The following ANKS1A variants were observed in gnomAD, a reference collection of about 807,000 sequenced individuals.
The protein encoded by ANKS1A is ankyrin repeat and sterile alpha motif domain containing 1A.
ANKS1A carries 55 observed loss-of-function variants against 120.3 expected under a neutral mutation model. The ratio of observed to expected loss-of-function variants is 0.46; its 90% CI spans 0.37 to 0.57. The LOEUF (loss-of-function observed/expected upper bound fraction) is 0.57. Ranked by LOEUF, ANKS1A falls within the 20% of genes least tolerant of loss-of-function variation. The pLI, the probability that ANKS1A is intolerant of heterozygous loss-of-function variation, is 0.00. For missense variants in ANKS1A, 1,123 were observed against 1,480.3 expected, an observed-to-expected ratio of 0.76 and a Z score of 3.96; for synonymous variants, 590 against 604.7, an observed-to-expected ratio of 0.98 and a Z score of 0.36.
chr6:34,909,148 G>A (rs550636520), intron 1 of ANKS1A, among the ~76,000 whole-genome samples: 1 of 152,234 alleles, frequency 6.6e-6, no homozygotes, highest in East Asian at 1.9e-4. Context: ...CTGGGGACAT[G>A]TTTCTTTTTC....
intron 1 of ANKS1A, among the ~76,000 whole-genome samples, chr6:34,897,641 A>G (rs1168678218): frequency 6.6e-6 from 1 of 152,198 alleles, no homozygotes; most frequent in African/African-American, 2.4e-5. Context: ...ATCGTATAAT[A>G]TGTTACATTC....
chr6:34,968,757 G>A (rs1029238026), intron 2 of ANKS1A, among the ~76,000 whole-genome samples: 1 of 151,538 alleles, frequency 6.6e-6, no homozygotes, highest in African/African-American at 2.4e-5. Flanking sequence ...GTTTTTATGA[G>A]GAGGGATTAT....
At chr6:34,988,147 C>T (rs541801295) in intron 8 of ANKS1A, among the ~76,000 whole-genome samples, 72 of 152,306 alleles carry the variant, frequency 4.7e-4, no homozygotes, top group East Asian at 7.7e-4. Flanking sequence ...AGTCCACAAG[C>T]GTCTGTTTTT....
chr6:35,096,366 T>G (rs1429127629), downstream of ANKS1A, among the ~76,000 whole-genome samples: 2 of 152,242 alleles, frequency 1.3e-5, no homozygotes, highest in East Asian at 3.8e-4. Flanking sequence ...CCCTTCTGGT[T>G]TGAGTGCTCT....
rs140257001 is a variant in ANKS1A at position 35,027,530 on chromosome 6, T to C, written c.2010+9471T>C. Among the ~76,000 whole-genome samples, 36 of 152,308 alleles carry C rather than the reference T, an allele frequency of 2.4e-4. No individual in the cohort carries two copies. The East Asian group carries it at 3.9e-3, about 16-fold the overall frequency. On this transcript the variant is annotated intron_variant, in intron 11 of 23. Coordinates refer to ENST00000360359, the MANE Select transcript of ANKS1A (RefSeq NM_015245.3). ...GAGAAGTTTAATTTGTTTAGAGATA[T>C]GCTGTGTGGTCAGAGTGGCAGCCAG...
At chr6:34,960,679 G>T (rs1770588794) in intron 1 of ANKS1A, among the ~76,000 whole-genome samples, 1 of 152,162 alleles carries the variant, frequency 6.6e-6, no homozygotes, top group Non-Finnish European at 1.5e-5. Flanking sequence ...CAGTGCTTTA[G>T]ATGCCATCCC....
chr6:35,022,161 C>T (rs1451517653), intron 11 of ANKS1A, among the ~76,000 whole-genome samples: 5 of 152,190 alleles, frequency 3.3e-5, no homozygotes, highest in African/African-American at 1.2e-4. Context: ...AGGCAGGCAC[C>T]TTCCCCACTG....
chr6:34,969,303 G>T (rs1434655499), intron 2 of ANKS1A, among the ~76,000 whole-genome samples: 1 of 152,090 alleles, frequency 6.6e-6, no homozygotes, highest in Non-Finnish European at 1.5e-5. Context: ...ACCCAGGCTG[G>T]AGTGCGATGG....
chr6:35,013,487 G>T (rs1202008174), intron 10 of ANKS1A, among the ~76,000 whole-genome samples: 2 of 151,872 alleles, frequency 1.3e-5, no homozygotes, highest in Non-Finnish European at 2.9e-5. Context: ...TAGAGATGAG[G>T]TCTCGCCATG....
chr6:35,087,521 G>C (rs1304664319), intron 23 of ANKS1A, among the ~76,000 whole-genome samples: 1 of 152,182 alleles, frequency 6.6e-6, no homozygotes, highest in Non-Finnish European at 1.5e-5. Context: ...CTAGCTGACT[G>C]TTCTCACCTC....
chr6:34,905,491 A>G (rs1197149788), intron 1 of ANKS1A, among the ~76,000 whole-genome samples: 1 of 150,908 alleles, frequency 6.6e-6, no homozygotes, highest in African/African-American at 2.5e-5. Context: ...TCACTTCTTG[A>G]GCACTTAATA....
chr6:35,036,711 T>C (rs1775191899), intron 11 of ANKS1A, among the ~76,000 whole-genome samples: 1 of 152,246 alleles, frequency 6.6e-6, no homozygotes, highest in Non-Finnish European at 1.5e-5. Flanking sequence ...CTGGTCAGCC[T>C]TCATGTTGCT....
At chr6:34,952,631 A>C (rs1770141366) in intron 1 of ANKS1A, among the ~76,000 whole-genome samples, 2 of 152,182 alleles carry the variant, frequency 1.3e-5, no homozygotes, top group Non-Finnish European at 2.9e-5. Context: ...TTAAAGTGAT[A>C]TGAGTCTGTA....
At chr6:34,904,395 T>C (rs566251836) in intron 1 of ANKS1A, among the ~76,000 whole-genome samples, 1 of 152,216 alleles carries the variant, frequency 6.6e-6, no homozygotes, top group Non-Finnish European at 1.5e-5. Flanking sequence ...AACTGTATTA[T>C]GTAATAACCT....
intron 1 of ANKS1A, among the ~76,000 whole-genome samples, chr6:34,911,833 T>G (rs1767919556): frequency 1.3e-5 from 2 of 152,146 alleles, no homozygotes; most frequent in South Asian, 4.1e-4. Context: ...TTCAAATGAA[T>G]AGCAGAGCAA....
At chr6:34,935,459 T>C (rs749035567) in intron 1 of ANKS1A, among the ~76,000 whole-genome samples, 7 of 152,234 alleles carry the variant, frequency 4.6e-5, no homozygotes, top group Admixed American at 2.0e-4. Context: ...CATTAAAAAT[T>C]GCTGATATGA....
intron 10 of ANKS1A, among the ~76,000 whole-genome samples, chr6:35,010,950 A>G (rs925194794): frequency 1.2e-4 from 18 of 152,228 alleles, no homozygotes; most frequent in Admixed American, 1.3e-4. Context: ...CAAGAGATGA[A>G]TGAAAAGCTC....
At position 34,909,567 on chromosome 6, in the gene ANKS1A, A is replaced by G. The variant is rs115759344; in HGVS notation, c.197+19968A>G. ...AATTTAGAACCAAAAGATAATGGCAATTTCTTCATTTAATGAGTGCCTTGT... is the reference window on the plus strand; with the variant it reads ...AATTTAGAACCAAAAGATAATGGCAGTTTCTTCATTTAATGAGTGCCTTGT... On this transcript the variant is annotated intron_variant, in intron 1 of 23. Coordinates refer to ENST00000360359, the MANE Select transcript of ANKS1A (RefSeq NM_015245.3). Among the ~76,000 whole-genome samples the G allele has an allele frequency of 4.2e-3, 640 of 152,350 alleles. 4 individuals are homozygous for G. Among genetic ancestry groups the G allele is most frequent in the African/African-American group, 0.014 (596 of 41,582 alleles).
intron 11 of ANKS1A, among the ~76,000 whole-genome samples, chr6:35,046,982 A>G (rs1775750442): frequency 6.6e-6 from 1 of 152,176 alleles, no homozygotes; most frequent in Non-Finnish European, 1.5e-5. Context: ...AGAACTTCAT[A>G]TAAATGGAAT....
Sources: gnomAD v4.1 joint callset for allele counts (sites outside exome capture counted in the v4.1 genomes callset) on GRCh38, gnomAD v4.1.1 for gene constraint, MANE v1.5 for transcripts, NCBI Gene and HGNC (gene_info 2026-07-23, HGNC 2026-07-21) for gene names.